Variants in IPCEF1 observed in about 807,000 individuals in gnomAD.
IPCEF1 encodes the protein interactor protein for cytohesin exchange factors 1.
IPCEF1 carries 31 observed loss-of-function variants against 50.9 expected under a neutral mutation model. That is an observed-to-expected ratio of 0.61 (90% CI 0.46 to 0.82). The LOEUF is 0.82. Among genes scored for constraint, IPCEF1 ranks in the 40% least tolerant of loss-of-function variants. The pLI is 0.00. For synonymous variants in IPCEF1, 181 were observed against 192.0 expected (o/e 0.94, Z 0.47); for missense variants, 458 against 514.0 (o/e 0.89, Z 1.05).
At chr6:154,336,424 G>A (rs1256418170) in intron 1 of IPCEF1, among the ~76,000 whole-genome samples, 5 of 152,124 alleles carry the variant, frequency 3.3e-5, no homozygotes, top group South Asian at 4.1e-4. Flanking sequence ...GGCACAGAAA[G>A]ACAAATATCA....
rs182700579 is a variant in IPCEF1 at position 154,288,596 on chromosome 6, G to A, written c.-18+1117C>T. ...GGGAATCGCTTGAACCCAGGAGACC[G>A]AGGTTGCAGTGAGCCGAGATCGTGC... On this transcript the variant is annotated intron_variant, in intron 2 of 11. Transcript: ENST00000367220. Among the ~76,000 whole-genome samples, 175 of 146,910 alleles carry A rather than the reference G, an allele frequency of 1.2e-3. 1 individual carries two copies. The highest frequency in any genetic ancestry group is 4.2e-3 in the African/African-American group (166 of 39,732).
intron 1 of IPCEF1, among the ~76,000 whole-genome samples, chr6:154,302,215 T>C (rs1782813666): frequency 6.6e-6 from 1 of 152,208 alleles, no homozygotes; most frequent in Admixed American, 6.5e-5. Context: ...CTGAATCCAG[T>C]AACAGAAACA....
chr6:154,217,684 A>G (rs1778524327), intron 7 of IPCEF1, among the ~76,000 whole-genome samples: 1 of 152,250 alleles, frequency 6.6e-6, no homozygotes, highest in Non-Finnish European at 1.5e-5. Flanking sequence ...AAAATTGACC[A>G]GGCAAAACAT....
At chr6:154,266,303 T>G (rs1424029538) in intron 2 of IPCEF1, among the ~76,000 whole-genome samples, 1 of 152,032 alleles carries the variant, frequency 6.6e-6, no homozygotes, top group Non-Finnish European at 1.5e-5. Flanking sequence ...GAGGATTGCT[T>G]GAGCCCAGGA....
At chr6:154,350,762 C>T (rs1417607058) in intron 1 of IPCEF1, among the ~76,000 whole-genome samples, 1 of 152,104 alleles carries the variant, frequency 6.6e-6, no homozygotes, top group Non-Finnish European at 1.5e-5. Context: ...ACTCTGCTGC[C>T]CAGGCTGTAC....
At position 154,158,463 on chromosome 6, in the gene IPCEF1, A is replaced by G. The variant is rs1034530819; in HGVS notation, c.*1365T>C. On this transcript the variant is annotated 3_prime_UTR_variant, in exon 12 of 12. Transcript: ENST00000367220. ...TTTGGTCTAAGGTTTGCAGGCATAA[A>G]TGGCACAAAGCTTAAAGTTTATTTA... is the stretch of plus-strand genomic sequence containing the variant. 1.2e-4 allele frequency: 19 copies of G among 152,252 alleles called. No homozygotes were observed. Among genetic ancestry groups the G allele is most frequent in the African/African-American group, 4.3e-4 (18 of 41,462 alleles). 9.4% of individuals were successfully genotyped at this position (152,252 alleles called of 1,614,324 possible).
At chr6:154,353,293 CTTT>C (rs914097422) in intron 1 of IPCEF1, among the ~76,000 whole-genome samples, 2 of 127,842 alleles carry the variant, frequency 1.6e-5, no homozygotes, top group Admixed American at 8.3e-5. Flanking sequence ...TTTCCTTTTC[CTTT>C]TTTTTTTTTT....
At chr6:154,239,189 A>C (rs1286509986) in intron 5 of IPCEF1, among the ~76,000 whole-genome samples, 1 of 152,228 alleles carries the variant, frequency 6.6e-6, no homozygotes, top group Non-Finnish European at 1.5e-5. Flanking sequence ...GAAAGAATTT[A>C]AAGGAAAATA....
intron 10 of IPCEF1, among the ~76,000 whole-genome samples, chr6:154,177,261 T>C (rs1421748779): frequency 6.6e-6 from 1 of 152,116 alleles, no homozygotes; most frequent in Non-Finnish European, 1.5e-5. Flanking sequence ...CCAAAAGCAA[T>C]GGCAACAAAA....
intron 5 of IPCEF1, among the ~76,000 whole-genome samples, chr6:154,227,182 C>T (rs995580912): frequency 6.6e-6 from 1 of 151,312 alleles, no homozygotes; most frequent in African/African-American, 2.4e-5. Flanking sequence ...CCAGCCTGGG[C>T]AACAGAGCAA....
At chr6:154,221,151 G>A (rs1237390885) in intron 7 of IPCEF1, 106 bp downstream of exon 7, 1 of 788,018 alleles carries the variant, frequency 1.3e-6, no homozygotes, top group African/African-American at 1.8e-5. Flanking sequence ...TAAAGTAACA[G>A]AAATAAAATA....
chr6:154,181,330 T>C (rs1163190673), intron 10 of IPCEF1, among the ~76,000 whole-genome samples: 1 of 152,166 alleles, frequency 6.6e-6, no homozygotes, highest in African/African-American at 2.4e-5. Context: ...CTATGTGACA[T>C]GCACTGTGTT....
chr6:154,210,671 TA>T (rs1777886832), intron 9 of IPCEF1, among the ~76,000 whole-genome samples: 1 of 152,190 alleles, frequency 6.6e-6, no homozygotes, highest in South Asian at 2.1e-4. Flanking sequence ...AATTGATTTT[TA>T]AAAAGGAGAA....
chr6:154,329,773 A>G (rs1443330748), intron 1 of IPCEF1, among the ~76,000 whole-genome samples: 1 of 152,104 alleles, frequency 6.6e-6, no homozygotes, highest in African/African-American at 2.4e-5. Context: ...ACAGCTCGGC[A>G]CTAGCTTAGT....
Position 154,350,751 on chromosome 6 carries a change from T to C in IPCEF1, c.-62+5921A>G, listed in dbSNP as rs1201269064. ...TTTTATTTTTTCAGAGACAGAGTCTTACTCTGCTGCCCAGGCTGTACACCA... is the reference window on the plus strand; with the variant it reads ...TTTTATTTTTTCAGAGACAGAGTCTCACTCTGCTGCCCAGGCTGTACACCA... On this transcript the variant is annotated intron_variant, in intron 1 of 11. Transcript: ENST00000367220. Among the ~76,000 whole-genome samples, 3 of 152,196 alleles carry C rather than the reference T, an allele frequency of 2.0e-5. No homozygotes were observed. In the South Asian group the frequency reaches 6.2e-4, roughly 31 times the overall value.
intron 1 of IPCEF1, among the ~76,000 whole-genome samples, chr6:154,326,817 C>T (rs1783532339): frequency 1.3e-5 from 2 of 152,170 alleles, no homozygotes; most frequent in Admixed American, 6.5e-5. Flanking sequence ...TCAAACTATA[C>T]TACAAGGCTA....
At position 154,159,038 on chromosome 6, in the gene IPCEF1, G is replaced by C. The variant is rs1445661222; in HGVS notation, c.*790C>G. 1 of 152,244 alleles carries C rather than the reference G, an allele frequency of 6.6e-6. No individual in the cohort carries two copies. Among genetic ancestry groups the C allele is most frequent in the East Asian group, 1.9e-4 (1 of 5,200 alleles). 9.4% of individuals were successfully genotyped at this position (152,244 alleles called of 1,614,324 possible). ...GGGATCACAGCCAAGGACAAGAGCA[G>C]TAGACATTCTTTGCGGAACATATTC... On this transcript the variant is annotated 3_prime_UTR_variant, in exon 12 of 12. Coordinates refer to ENST00000367220, the MANE Select transcript of IPCEF1 (RefSeq NM_001130700.2).
intron 9 of IPCEF1, among the ~76,000 whole-genome samples, chr6:154,204,258 T>G (rs1777305647): frequency 6.6e-6 from 1 of 152,144 alleles, no homozygotes; most frequent in African/African-American, 2.4e-5. Context: ...CAAACACAAG[T>G]TTGACATGGT....
chr6:154,273,176 T>G (rs1057132429), intron 2 of IPCEF1, among the ~76,000 whole-genome samples: 1 of 152,236 alleles, frequency 6.6e-6, no homozygotes, highest in African/African-American at 2.4e-5. Flanking sequence ...CCTTTAAAAT[T>G]ATAATGCTGG....
Sources: allele counts gnomAD v4.1 joint callset (sites outside exome capture counted in the v4.1 genomes callset), GRCh38; gene constraint gnomAD v4.1.1; transcripts MANE v1.5; gene names NCBI Gene and HGNC (gene_info 2026-07-23, HGNC 2026-07-21).